Variants in ABCC11 observed in about 807,000 individuals in gnomAD.
The protein encoded by ABCC11 is ATP-binding cassette sub-family C member 11.
ABCC11 carries 135 observed loss-of-function variants against 149.3 expected under a neutral mutation model. The observed-to-expected ratio is 0.90, with a 90% confidence interval of 0.79 to 1.04. ABCC11 has a LOEUF of 1.04. Ranked by LOEUF, ABCC11 falls within the 50% of genes least tolerant of loss-of-function variation. The pLI, the probability that ABCC11 is intolerant of heterozygous loss-of-function variation, is 0.00. For missense variants in ABCC11, 1,680 were observed against 1,722.1 expected (o/e 0.98, Z 0.43); for synonymous variants, 665 against 671.4 (o/e 0.99, Z 0.15).
intron 12 of ABCC11, among the ~76,000 whole-genome samples, chr16:48,206,536 A>G (rs1968465816): frequency 6.6e-6 from 1 of 152,230 alleles, no homozygotes. Context: ...TTTCTCTTTT[A>G]TACCCTAAAA....
chr16:48,232,110 T>C (rs1002181414), intron 1 of ABCC11, 171 bp from the exon 2 acceptor site: 5 of 1,355,050 alleles, frequency 3.7e-6, no homozygotes, highest in Non-Finnish European at 4.8e-6. Context: ...TTGATCCCTC[T>C]TTTTAAACAT....
chr16:48,193,881 C>T lies in ABCC11; in HGVS notation c.2506G>A (p.Gly836Arg), dbSNP rs775477282. ...CCCATCCACCTCATGGCACTCACCC[C>T]CGAGCCCTGCTCCAACCAGTAGCTC... The part of the protein sequence containing the change: ...WLSYWLEQGS[G>R]TNSSRESNGT... The change falls in exon 19 of 30, where the codon GGG (glycine) becomes AGG (arginine). Residue 836 changes from glycine (G) to arginine (R), a missense_variant and splice_region_variant. Coordinates refer to ENST00000356608, the MANE Select transcript of ABCC11 (RefSeq NM_001370497.1). 10 of 1,613,118 alleles carry T rather than the reference C, an allele frequency of 6.2e-6. No homozygotes were observed. In the Admixed American group the frequency reaches 8.3e-5, roughly 13 times the overall value.
At chr16:48,210,631 A>C in intron 11 of ABCC11, 3 of 318,860 alleles carry the variant, frequency 9.4e-6, no homozygotes, top group Non-Finnish European at 5.8e-6. Flanking sequence ...CATACGAGGA[A>C]TGTAATAAAT....
At chr16:48,219,906 A>G (rs1969619613) in intron 6 of ABCC11, among the ~76,000 whole-genome samples, 2 of 152,182 alleles carry the variant, frequency 1.3e-5, no homozygotes, top group Admixed American at 6.5e-5. Flanking sequence ...GCTTGAACCC[A>G]GAAGGCAGAT....
chr16:48,232,002 G>A (rs1030124535), intron 1 of ABCC11, 63 bp from the exon 2 acceptor site: 75 of 1,598,790 alleles, frequency 4.7e-5, no homozygotes, highest in Admixed American at 3.9e-4. Flanking sequence ...CTTAGATCTC[G>A]CCTTGAGCAG....
chr16:48,232,500 C>T (rs984709701), intron 1 of ABCC11, among the ~76,000 whole-genome samples: 2 of 152,026 alleles, frequency 1.3e-5, no homozygotes, highest in African/African-American at 4.8e-5. Context: ...TTCACAGACC[C>T]CAGAAGGAAT....
At chr16:48,183,047 T>A (rs1232594501) in intron 23 of ABCC11, among the ~76,000 whole-genome samples, 1 of 152,246 alleles carries the variant, frequency 6.6e-6, no homozygotes, top group African/African-American at 2.4e-5. Context: ...ATTGTTCCTG[T>A]CTTACAAATA....
chr16:48,239,486 C>T (rs1970852448), intron 1 of ABCC11, among the ~76,000 whole-genome samples: 2 of 147,184 alleles, frequency 1.4e-5, no homozygotes, highest in South Asian at 4.3e-4. Context: ...GGCGTGAACC[C>T]AGGAGGCGGA....
At chr16:48,206,468 AATAGAG>A (rs1371068105) in intron 12 of ABCC11, among the ~76,000 whole-genome samples, 1 of 152,220 alleles carries the variant, frequency 6.6e-6, no homozygotes, top group Non-Finnish European at 1.5e-5. Context: ...GTTAAAAACA[AATAGAG>A]ATAGACACTC....
chr16:48,228,163 T>C (rs1970199934), intron 3 of ABCC11, among the ~76,000 whole-genome samples, 199 bp from the exon 4 acceptor site: 1 of 151,514 alleles, frequency 6.6e-6, no homozygotes, highest in African/African-American at 2.4e-5. Context: ...AAGAGAGAAA[T>C]TATGATCTAC....
chr16:48,214,816 A>G (rs865816036), intron 9 of ABCC11, 65 bp downstream of exon 9: 15 of 1,598,454 alleles, frequency 9.4e-6, no homozygotes, highest in Admixed American at 3.4e-5. Context: ...GGCATGGCTA[A>G]AAAAGGACAC....
chr16:48,218,951 A>G (rs1035683340), intron 6 of ABCC11, among the ~76,000 whole-genome samples: 1 of 152,172 alleles, frequency 6.6e-6, no homozygotes, highest in Non-Finnish European at 1.5e-5. Flanking sequence ...GCTCAGTCAC[A>G]ATAAGCAGGA....
intron 20 of ABCC11, among the ~76,000 whole-genome samples, chr16:48,190,112 T>C (rs1596708439): frequency 6.6e-6 from 1 of 152,168 alleles, no homozygotes; most frequent in African/African-American, 2.4e-5. Context: ...TAAGACAAGG[T>C]GCCTCTTATG....
At chr16:48,185,510 T>C (rs1280798883) in intron 22 of ABCC11, among the ~76,000 whole-genome samples, 5 of 152,244 alleles carry the variant, frequency 3.3e-5, no homozygotes, top group African/African-American at 1.2e-4. Flanking sequence ...TTTGAGAATG[T>C]ATATTAAAAG....
chr16:48,191,517 G>A (rs116169888), intron 20 of ABCC11, among the ~76,000 whole-genome samples: 2,672 of 152,278 alleles, frequency 0.018, 95 homozygotes, highest in African/African-American at 0.062. Flanking sequence ...CTGAGTGATA[G>A]GCAGGTATAT....
At chr16:48,224,131 C>A (rs1054640005) in intron 5 of ABCC11, 151 bp downstream of exon 5, 1 of 1,050,956 alleles carries the variant, frequency 9.5e-7, no homozygotes. Flanking sequence ...CCACCATGCT[C>A]TACTGTCCTC....
At chr16:48,171,509 C>T (rs1220838819) in intron 26 of ABCC11, among the ~76,000 whole-genome samples, 1 of 152,182 alleles carries the variant, frequency 6.6e-6, no homozygotes, top group Admixed American at 6.5e-5. Context: ...ATGCATGAGT[C>T]ATTAGAGGCC....
intron 9 of ABCC11, among the ~76,000 whole-genome samples, chr16:48,214,398 C>T (rs1339009025): frequency 6.6e-6 from 1 of 152,136 alleles, no homozygotes; most frequent in Non-Finnish European, 1.5e-5. Flanking sequence ...CTCCTGGCCT[C>T]CCCAGTTGGA....
chr16:48,219,746 C>A (rs1448764509), intron 6 of ABCC11, among the ~76,000 whole-genome samples: 1 of 152,064 alleles, frequency 6.6e-6, no homozygotes, highest in Non-Finnish European at 1.5e-5. Context: ...TTTGGGAGGC[C>A]AAAGTAGGCA....
Sources: gnomAD v4.1 joint callset for allele counts (sites outside exome capture counted in the v4.1 genomes callset) on GRCh38, gnomAD v4.1.1 for gene constraint, MANE v1.5 for transcripts, NCBI Gene and HGNC (gene_info 2026-07-23, HGNC 2026-07-21) for gene names.